Variants in SPECC1 observed in about 807,000 individuals in gnomAD.
SPECC1 encodes sperm antigen with calponin homology and coiled-coil domains 1, also known as cytospin-B.
A neutral mutation model predicts 104.1 loss-of-function variants in SPECC1; 62 were observed. That is an observed-to-expected ratio of 0.60 (90% CI 0.49 to 0.74). The LOEUF is 0.74. Ranked by LOEUF, SPECC1 falls within the 30% of genes least tolerant of loss-of-function variation. SPECC1 has a pLI of 0.00. For missense variants in SPECC1, 1,306 were observed against 1,310.5 expected, an observed-to-expected ratio of 1.00 and a Z score of 0.05; for synonymous variants, 513 against 501.6, an observed-to-expected ratio of 1.02 and a Z score of -0.30.
intron 1 of SPECC1, among the ~76,000 whole-genome samples, chr17:20,031,833 A>G (rs1428153622): frequency 6.6e-6 from 1 of 152,156 alleles, no homozygotes; most frequent in East Asian, 1.9e-4. Context: ...ATGTGTCAGA[A>G]TTTCATTCCT....
chr17:20,092,663 G>T (rs907616999), intron 1 of SPECC1, among the ~76,000 whole-genome samples: 1 of 152,180 alleles, frequency 6.6e-6, no homozygotes, highest in Non-Finnish European at 1.5e-5. Context: ...GCAGCGCTCC[G>T]TTGAACACCA....
chr17:20,021,704 T>TATA (rs1567797580), intron 1 of SPECC1, among the ~76,000 whole-genome samples: 1 of 139,550 alleles, frequency 7.2e-6, no homozygotes. Flanking sequence ...ATATATATAT[T>TATA]TTTTTGTACT....
At chr17:20,117,931 C>T (rs966275383) in intron 3 of SPECC1, among the ~76,000 whole-genome samples, 1 of 151,606 alleles carries the variant, frequency 6.6e-6, no homozygotes, top group African/African-American at 2.4e-5. Context: ...ATGGTGAAAC[C>T]CTGTCTGTAC....
chr17:20,300,309 C>A (rs913368565), intron 13 of SPECC1, among the ~76,000 whole-genome samples: 1 of 152,190 alleles, frequency 6.6e-6, no homozygotes, highest in Non-Finnish European at 1.5e-5. Context: ...AGCGGCCTCA[C>A]GGGTCACAGG....
intron 3 of SPECC1, among the ~76,000 whole-genome samples, chr17:20,127,025 C>G (rs2049345804): frequency 6.6e-6 from 1 of 152,186 alleles, no homozygotes; most frequent in Non-Finnish European, 1.5e-5. Context: ...TTCTTGTGAT[C>G]ACTTTCATTC....
chr17:20,287,681 T>G (rs1231337070), intron 12 of SPECC1, among the ~76,000 whole-genome samples: 1 of 151,898 alleles, frequency 6.6e-6, no homozygotes, highest in Non-Finnish European at 1.5e-5. Context: ...GAGCAGCCTC[T>G]GAGGTGCACA....
In SPECC1 at chr17:20,101,263, C is replaced by A. The variant is rs373208491; in HGVS notation, c.147+4465C>A. ...CACACTGTCTTCCACAATGGTTGAA[C>A]TAATTTACACTCCCACCAACAGTGT... On this transcript the variant is annotated intron_variant, in intron 2 of 14. Transcript: ENST00000395527. Among the ~76,000 whole-genome samples, 43 of 152,310 alleles carry A rather than the reference C, an allele frequency of 2.8e-4. No homozygotes were observed. The East Asian group carries it at 5.0e-3, about 18-fold the overall frequency.
chr17:20,276,933 G>T (rs1667835341), intron 12 of SPECC1, among the ~76,000 whole-genome samples: 1 of 152,236 alleles, frequency 6.6e-6, no homozygotes, highest in African/African-American at 2.4e-5. Flanking sequence ...AGAGCCATGG[G>T]CAAGGGCCAA....
At chr17:20,296,715 T>C (rs2041363522) in intron 12 of SPECC1, among the ~76,000 whole-genome samples, 1 of 152,192 alleles carries the variant, frequency 6.6e-6, no homozygotes. Flanking sequence ...TGTTTGTAGT[T>C]CTCCTTGAAG....
intron 2 of SPECC1, among the ~76,000 whole-genome samples, chr17:20,105,646 C>G (rs770661099): frequency 1.3e-5 from 2 of 152,238 alleles, no homozygotes; most frequent in East Asian, 1.9e-4. Context: ...GCTTTCCCCC[C>G]GGTCACTGCT....
At chr17:20,081,134 T>C (rs1039127614) in intron 1 of SPECC1, among the ~76,000 whole-genome samples, 1 of 152,206 alleles carries the variant, frequency 6.6e-6, no homozygotes, top group African/African-American at 2.4e-5. Context: ...TAAGCTCTTC[T>C]GTCACTGTGT....
At chr17:20,258,529 C>T (rs1031207861) in intron 11 of SPECC1, among the ~76,000 whole-genome samples, 1 of 152,198 alleles carries the variant, frequency 6.6e-6, no homozygotes, top group African/African-American at 2.4e-5. Flanking sequence ...GCAGAAATCT[C>T]ACATGACTCT....
chr17:20,282,968 C>T (rs984560931), intron 12 of SPECC1, among the ~76,000 whole-genome samples: 8 of 152,070 alleles, frequency 5.3e-5, no homozygotes, highest in Non-Finnish European at 7.4e-5. Context: ...TGCTTGACCT[C>T]GGGAGTTCAA....
intron 3 of SPECC1, among the ~76,000 whole-genome samples, chr17:20,115,346 G>T (rs1403180910): frequency 1.3e-5 from 2 of 152,022 alleles, no homozygotes; most frequent in African/African-American, 2.4e-5. Flanking sequence ...GGTGGCGGGT[G>T]CCTGTAATCC....
At chr17:20,065,910 G>A (rs771838807) in intron 1 of SPECC1, among the ~76,000 whole-genome samples, 3 of 152,166 alleles carry the variant, frequency 2.0e-5, no homozygotes, top group Non-Finnish European at 2.9e-5. Context: ...TTATAAGAAG[G>A]ACTATAGGCA....
intron 3 of SPECC1, among the ~76,000 whole-genome samples, chr17:20,189,571 T>A: frequency 6.6e-6 from 1 of 152,242 alleles, no homozygotes; most frequent in Non-Finnish European, 1.5e-5. Flanking sequence ...TCAGAAACAC[T>A]GAGGCTTTGT....
intron 3 of SPECC1, among the ~76,000 whole-genome samples, chr17:20,174,676 C>T (rs1385322243): frequency 6.6e-6 from 1 of 152,080 alleles, no homozygotes; most frequent in African/African-American, 2.4e-5. Context: ...CAGTCTTGCC[C>T]TTCATTTCCT....
chr17:20,227,770 C>T, intron 5 of SPECC1, 150 bp downstream of exon 5: 1 of 683,704 alleles, frequency 1.5e-6, no homozygotes. Context: ...ACAAAATTAG[C>T]CGGGCGTGGT....
chr17:20,270,661 T>C (rs2040379359), intron 12 of SPECC1, among the ~76,000 whole-genome samples: 1 of 151,968 alleles, frequency 6.6e-6, no homozygotes, highest in Non-Finnish European at 1.5e-5. Flanking sequence ...TGAATATCAC[T>C]TACCATGCAT....
Sources: gnomAD v4.1 joint callset for allele counts (sites outside exome capture counted in the v4.1 genomes callset) on GRCh38, gnomAD v4.1.1 for gene constraint, MANE v1.5 for transcripts, NCBI Gene and HGNC (gene_info 2026-07-23, HGNC 2026-07-21) for gene names.